Variants in GNAQ observed in about 807,000 individuals in gnomAD.
GNAQ encodes G protein subunit alpha q, also known as guanine nucleotide-binding protein G(q) subunit alpha.
In GNAQ, 8 loss-of-function variants were observed where a neutral mutation model predicts 43.9. The ratio of observed to expected loss-of-function variants is 0.18; its 90% CI spans 0.11 to 0.33. The LOEUF (loss-of-function observed/expected upper bound fraction) is 0.33, where lower values mean the gene tolerates loss of function less well. Among genes scored for constraint, GNAQ ranks in the 10% least tolerant of loss-of-function variants. The probability of loss-of-function intolerance (pLI) is 1.00; values close to 1 mark genes in which losing one functional copy is unlikely to be tolerated. For missense variants in GNAQ, 158 were observed against 450.8 expected (o/e 0.35, Z 5.88); for synonymous variants, 155 against 170.7 (o/e 0.91, Z 0.71).
chr9:77,863,744 G>A (rs969719409), intron 2 of GNAQ, among the ~76,000 whole-genome samples: 1 of 152,164 alleles, frequency 6.6e-6, no homozygotes, highest in African/African-American at 2.4e-5. Flanking sequence ...TCACAATCAT[G>A]ATGGAAGGCA....
intron 2 of GNAQ, among the ~76,000 whole-genome samples, chr9:77,832,974 TA>T (rs2118557151): frequency 6.6e-6 from 1 of 152,274 alleles, no homozygotes; most frequent in Admixed American, 6.5e-5. Flanking sequence ...ATTTTTATTT[TA>T]TTTTTTATTG....
In GNAQ at chr9:77,899,226, A is replaced by G. The variant is rs565500947; in HGVS notation, c.321+22935T>C. The stretch of plus-strand genomic sequence containing the variant: ...ATTCTCCTGCCTCAGCCTCCCGAGT[A>G]GCTAGGATTACAGGCATGCACCACC... On this transcript the variant is annotated intron_variant, in intron 2 of 6. Coordinates refer to ENST00000286548, the MANE Select transcript of GNAQ (RefSeq NM_002072.5). 5.3e-5 allele frequency among the ~76,000 whole-genome samples: 8 copies of G among 152,162 alleles called. No individual in the cohort carries two copies. The East Asian group carries it at 1.5e-3, about 29-fold the overall frequency.
intron 5 of GNAQ, among the ~76,000 whole-genome samples, chr9:77,732,367 C>A (rs1052144702): frequency 6.7e-6 from 1 of 149,336 alleles, no homozygotes; most frequent in African/African-American, 2.5e-5. Context: ...AAAGGTCCCC[C>A]TCCCTGCCCA....
chr9:77,752,844 T>TG (rs1825832863), intron 5 of GNAQ, among the ~76,000 whole-genome samples: 1 of 152,110 alleles, frequency 6.6e-6, no homozygotes, highest in Non-Finnish European at 1.5e-5. Context: ...CCCAGCACTC[T>TG]GGGAGGCCAA....
At chr9:77,751,373 C>A (rs1482008383) in intron 5 of GNAQ, among the ~76,000 whole-genome samples, 1 of 152,230 alleles carries the variant, frequency 6.6e-6, no homozygotes, top group East Asian at 1.9e-4. Flanking sequence ...AATACATGGG[C>A]CTGAAACACT....
At chr9:77,729,899 C>T (rs996991790) in intron 5 of GNAQ, among the ~76,000 whole-genome samples, 2 of 152,196 alleles carry the variant, frequency 1.3e-5, no homozygotes, top group Non-Finnish European at 2.9e-5. Flanking sequence ...GCTTCCCTTC[C>T]CTCATTTATG....
At chr9:77,804,319 A>C (rs572738156) in intron 3 of GNAQ, among the ~76,000 whole-genome samples, 2 of 152,334 alleles carry the variant, frequency 1.3e-5, no homozygotes, top group African/African-American at 4.8e-5. Context: ...AAAAATTAAA[A>C]TTTAGAGATA....
At chr9:77,955,071 G>A (rs1040822889) in intron 1 of GNAQ, among the ~76,000 whole-genome samples, 5 of 152,208 alleles carry the variant, frequency 3.3e-5, no homozygotes, top group Admixed American at 3.3e-4. Context: ...AGTTTACACT[G>A]GCAAAGCTAA....
At chr9:77,724,589 C>A (rs553690517) in intron 6 of GNAQ, among the ~76,000 whole-genome samples, 2 of 152,288 alleles carry the variant, frequency 1.3e-5, no homozygotes, top group South Asian at 4.1e-4. Context: ...CCATTTCTAA[C>A]AAAATGCACC....
At chr9:77,818,447 A>T (rs1827056416) in intron 2 of GNAQ, among the ~76,000 whole-genome samples, 1 of 133,968 alleles carries the variant, frequency 7.5e-6, no homozygotes, top group Admixed American at 7.3e-5. Context: ...AATTTTTTGT[A>T]AAAAAAAAAA....
intron 1 of GNAQ, among the ~76,000 whole-genome samples, chr9:77,945,161 T>G (rs185985436): frequency 6.6e-6 from 1 of 152,340 alleles, no homozygotes; most frequent in East Asian, 1.9e-4. Flanking sequence ...AAATTGGTTC[T>G]TGGGCTATTA....
intron 5 of GNAQ, among the ~76,000 whole-genome samples, chr9:77,783,971 C>A (rs1364311853): frequency 2.0e-5 from 3 of 151,998 alleles, no homozygotes; most frequent in Non-Finnish European, 4.4e-5. Context: ...TAATAACACA[C>A]ATAATAATGA....
intron 2 of GNAQ, among the ~76,000 whole-genome samples, chr9:77,820,087 C>G (rs1329277152): frequency 9.5e-6 from 1 of 104,990 alleles, no homozygotes; most frequent in African/African-American, 4.1e-5. Context: ...ATTTAAAATG[C>G]AAAAAAAAAA....
At chr9:77,871,904 T>C (rs1025961613) in intron 2 of GNAQ, among the ~76,000 whole-genome samples, 1 of 152,180 alleles carries the variant, frequency 6.6e-6, no homozygotes, top group African/African-American at 2.4e-5. Context: ...AATGACCACA[T>C]GAAAGGGCAT....
At chr9:77,853,644 A>G (rs1827705203) in intron 2 of GNAQ, among the ~76,000 whole-genome samples, 1 of 152,076 alleles carries the variant, frequency 6.6e-6, no homozygotes, top group South Asian at 2.1e-4. Flanking sequence ...AGTGTGAAAA[A>G]TAAACCTACA....
chr9:77,859,449 T>G (rs1328532908), intron 2 of GNAQ, among the ~76,000 whole-genome samples: 1 of 152,212 alleles, frequency 6.6e-6, no homozygotes, highest in East Asian at 1.9e-4. Context: ...GGATACACTA[T>G]GTATAGTAAA....
intron 1 of GNAQ, among the ~76,000 whole-genome samples, chr9:77,991,926 C>A (rs1459610563): frequency 1.3e-5 from 2 of 152,174 alleles, no homozygotes; most frequent in Non-Finnish European, 2.9e-5. Flanking sequence ...GAGTAGTATT[C>A]CATGGTGTAT....
At chr9:77,897,819 C>A (rs990598180) in intron 2 of GNAQ, among the ~76,000 whole-genome samples, 4 of 152,062 alleles carry the variant, frequency 2.6e-5, no homozygotes, top group Non-Finnish European at 5.9e-5. Flanking sequence ...ACTTCCCCTG[C>A]CCCACTCCCT....
intron 1 of GNAQ, among the ~76,000 whole-genome samples, chr9:77,985,569 T>G (rs1396325619): frequency 6.6e-6 from 1 of 152,164 alleles, no homozygotes; most frequent in African/African-American, 2.4e-5. Context: ...TTTAGATTAG[T>G]ATAATTTTTA....
Sources: allele counts gnomAD v4.1 joint callset (sites outside exome capture counted in the v4.1 genomes callset), GRCh38; gene constraint gnomAD v4.1.1; transcripts MANE v1.5; gene names NCBI Gene and HGNC (gene_info 2026-07-23, HGNC 2026-07-21).